LRP1B: variants seen among roughly 807,000 people sequenced by gnomAD.
LRP1B encodes the protein low-density lipoprotein receptor-related protein 1B.
LRP1B carries 217 observed loss-of-function variants against 556.6 expected under a neutral mutation model. The ratio of observed to expected loss-of-function variants is 0.39; its 90% CI spans 0.35 to 0.44. The LOEUF (loss-of-function observed/expected upper bound fraction) is 0.44. LRP1B is among the 20% of genes least tolerant of loss of function. LRP1B has a pLI of 1.00. For missense variants in LRP1B, 5,053 were observed against 5,620.8 expected (o/e 0.90, Z 3.23); for synonymous variants, 2,047 against 1,865.8 (o/e 1.10, Z -2.50).
Position 141,855,663 on chromosome 2 carries a change from T to G in LRP1B, c.83-45262A>C, listed in dbSNP as rs1160334907. 3.3e-5 allele frequency among the ~76,000 whole-genome samples: 5 copies of G among 152,212 alleles called. No individual in the cohort carries two copies. The East Asian group carries it at 9.7e-4, about 30-fold the overall frequency. On this transcript the variant is annotated intron_variant, in intron 1 of 90. Coordinates refer to ENST00000389484, the MANE Select transcript of LRP1B (RefSeq NM_018557.3). ...GGGACTGGTAGAGACTGTTAGAGGT[T>G]TAGGGGTTACCCTGGCCACAGTATT...
At chr2:141,615,320 A>G (rs542842720) in intron 2 of LRP1B, among the ~76,000 whole-genome samples, 1 of 152,354 alleles carries the variant, frequency 6.6e-6, no homozygotes, top group African/African-American at 2.4e-5. Flanking sequence ...AGACTGTAAC[A>G]GTTTAATACA....
In LRP1B at chr2:140,256,351, G is replaced by A. The variant is rs371423227; in HGVS notation, c.13248-9189C>T. On this transcript the variant is annotated intron_variant, in intron 86 of 90. Transcript: ENST00000389484. ...ATTGCACTCAGATCTAGCCTCTTAC[G>A]TTTTAACCTTAGTCTCCCCCTTAAA... Among the ~76,000 whole-genome samples the A allele has an allele frequency of 8.5e-4, 123 of 144,014 alleles. No homozygotes were observed. In the Middle Eastern group the frequency reaches 0.044, roughly 52 times the overall value. 94.5% of individuals were successfully genotyped at this position (144,014 alleles called of 152,430 possible).
At chr2:140,948,315 T>C (rs1324851163) in intron 20 of LRP1B, among the ~76,000 whole-genome samples, 3 of 152,186 alleles carry the variant, frequency 2.0e-5, no homozygotes, top group Middle Eastern at 3.2e-3. Context: ...AAATGTTATA[T>C]AATGATGAAA....
intron 1 of LRP1B, among the ~76,000 whole-genome samples, chr2:142,031,103 A>G (rs908293734): frequency 2.6e-5 from 4 of 151,752 alleles, no homozygotes; most frequent in African/African-American, 9.7e-5. Context: ...ATTTTTACAA[A>G]TCTTCACACA....
At chr2:141,542,166 G>A (rs1384660) in intron 2 of LRP1B, among the ~76,000 whole-genome samples, 28,911 of 151,902 alleles carry the variant, frequency 0.19, 2,885 homozygotes, top group South Asian at 0.39. Context: ...TTGAACAATT[G>A]CAAGCTTTGC....
chr2:141,263,595 C>T (rs1426320439), intron 3 of LRP1B, among the ~76,000 whole-genome samples: 1 of 152,080 alleles, frequency 6.6e-6, no homozygotes, highest in Non-Finnish European at 1.5e-5. Context: ...AGAAATAAAA[C>T]TAATTCTGCA....
intron 66 of LRP1B, among the ~76,000 whole-genome samples, chr2:140,412,886 A>G (rs1049162706): frequency 3.9e-5 from 6 of 152,128 alleles, no homozygotes; most frequent in Non-Finnish European, 5.9e-5. Context: ...AAATTTCAAA[A>G]AATTCATGAA....
intron 7 of LRP1B, among the ~76,000 whole-genome samples, chr2:141,180,127 C>A (rs1680926252): frequency 6.6e-6 from 1 of 151,662 alleles, no homozygotes; most frequent in Non-Finnish European, 1.5e-5. Flanking sequence ...CACTGCTTAG[C>A]ATTTTGTTTG....
intron 43 of LRP1B, among the ~76,000 whole-genome samples, chr2:140,544,472 T>C (rs1680252553): frequency 6.6e-6 from 1 of 152,050 alleles, no homozygotes; most frequent in Admixed American, 6.6e-5. Context: ...CTCGCTCCTC[T>C]CACCCTCTGC....
intron 72 of LRP1B, among the ~76,000 whole-genome samples, chr2:140,359,477 T>TA (rs1682405635): frequency 6.6e-6 from 1 of 151,730 alleles, no homozygotes; most frequent in African/African-American, 2.4e-5. Context: ...TATTCATCTT[T>TA]AAAGTACATG....
intron 71 of LRP1B, among the ~76,000 whole-genome samples, chr2:140,365,835 C>T (rs991315764): frequency 6.6e-6 from 1 of 151,648 alleles, no homozygotes; most frequent in Non-Finnish European, 1.5e-5. Flanking sequence ...TTTAAACACA[C>T]ATACATTTAC....
At chr2:140,877,454 T>TA (rs1693345912) in intron 25 of LRP1B, among the ~76,000 whole-genome samples, 1 of 152,180 alleles carries the variant, frequency 6.6e-6, no homozygotes, top group Admixed American at 6.5e-5. Flanking sequence ...CATGTTCTTC[T>TA]AAAATGCTTT....
At chr2:141,561,885 T>A (rs1053610710) in intron 2 of LRP1B, among the ~76,000 whole-genome samples, 5 of 151,904 alleles carry the variant, frequency 3.3e-5, no homozygotes. Flanking sequence ...AGCTTATTTT[T>A]AAAAAATATT....
intron 7 of LRP1B, among the ~76,000 whole-genome samples, chr2:141,111,573 A>G (rs976513823): frequency 2.6e-5 from 4 of 152,124 alleles, no homozygotes; most frequent in African/African-American, 7.2e-5. Flanking sequence ...ACAGTGGACT[A>G]AGGACCCACA....
intron 1 of LRP1B, among the ~76,000 whole-genome samples, chr2:141,903,634 A>C (rs925381201): frequency 6.6e-6 from 1 of 151,978 alleles, no homozygotes; most frequent in African/African-American, 2.4e-5. Flanking sequence ...CTAGTCGGTC[A>C]AGCAATTAAA....
intron 41 of LRP1B, chr2:140,683,519 G>A (rs1325182792): frequency 8.3e-6 from 5 of 604,948 alleles, no homozygotes; most frequent in Admixed American, 4.2e-5. Flanking sequence ...CCTGGATGTC[G>A]TCAGCATCAT....
intron 1 of LRP1B, among the ~76,000 whole-genome samples, chr2:141,853,275 C>T (rs765703042): frequency 6.6e-6 from 1 of 151,434 alleles, no homozygotes; most frequent in Non-Finnish European, 1.5e-5. Flanking sequence ...GCCTTGCAAA[C>T]AACCTGTTCT....
chr2:141,222,189 T>C (rs1258405364), intron 6 of LRP1B, among the ~76,000 whole-genome samples: 1 of 152,012 alleles, frequency 6.6e-6, no homozygotes, highest in Non-Finnish European at 1.5e-5. Flanking sequence ...ATAGACAATA[T>C]GAAATGATAA....
chr2:141,800,003 A>G (rs1695956049), intron 2 of LRP1B, among the ~76,000 whole-genome samples: 1 of 152,182 alleles, frequency 6.6e-6, no homozygotes, highest in African/African-American at 2.4e-5. Flanking sequence ...CTAATTGGAA[A>G]ATAAACAATT....
Sources: allele counts gnomAD v4.1 joint callset (sites outside exome capture counted in the v4.1 genomes callset), GRCh38; gene constraint gnomAD v4.1.1; transcripts MANE v1.5; gene names NCBI Gene and HGNC (gene_info 2026-07-23, HGNC 2026-07-21).